Variants in ASTN2 observed in about 807,000 individuals in gnomAD.
ASTN2 encodes the protein astrotactin 2.
A neutral mutation model predicts 139.8 loss-of-function variants in ASTN2; 54 were observed. The observed-to-expected ratio is 0.39, with a 90% CI of 0.31 to 0.48. ASTN2 has a LOEUF of 0.48. Ranked by LOEUF, ASTN2 falls within the 20% of genes least tolerant of loss-of-function variation. The pLI is 0.95. For synonymous variants in ASTN2, 756 were observed against 719.5 expected (o/e 1.05, Z -0.81); for missense variants, 1,565 against 1,725.1 (o/e 0.91, Z 1.64).
chr9:117,387,804 A>C (rs890921657), intron 1 of ASTN2, among the ~76,000 whole-genome samples: 7 of 152,328 alleles, frequency 4.6e-5, no homozygotes, highest in Middle Eastern at 3.4e-3. Flanking sequence ...GGCCACAAGA[A>C]AGTCATCACT....
At chr9:116,824,750 A>C (rs115701024) in intron 11 of ASTN2, among the ~76,000 whole-genome samples, 3,904 of 152,340 alleles carry the variant, frequency 0.026, 188 homozygotes, top group African/African-American at 0.09. Flanking sequence ...AATATAGTGA[A>C]ATAAATGTAT....
In ASTN2 at chr9:117,361,112, CTACTCAAG is replaced by C. The variant is rs886242302; in HGVS notation, c.442+53377_442+53384del. ...CCATCAGGGATTTGGCTCCAACATT[CTACTCAAG>C]GAAAATGTTGCACCAAGTCAGGCTA... On this transcript the variant is annotated intron_variant, in intron 1 of 22. Coordinates refer to ENST00000313400, the MANE Select transcript of ASTN2 (RefSeq NM_001365068.1). 5.9e-4 allele frequency among the ~76,000 whole-genome samples: 90 copies of C among 152,266 alleles called. 1 individual carries two copies. Among genetic ancestry groups the C allele is most frequent in the African/African-American group, 1.8e-3 (75 of 41,556 alleles).
intron 12 of ASTN2, among the ~76,000 whole-genome samples, chr9:116,819,440 G>C (rs1401468344): frequency 6.6e-6 from 1 of 152,062 alleles, no homozygotes; most frequent in Admixed American, 6.6e-5. Flanking sequence ...TTCTACACCT[G>C]CACAAAGGCA....
chr9:116,718,465 T>C (rs1828375903), intron 16 of ASTN2, among the ~76,000 whole-genome samples: 1 of 152,202 alleles, frequency 6.6e-6, no homozygotes, highest in African/African-American at 2.4e-5. Flanking sequence ...ATCTCTATTT[T>C]AGAAACATCC....
intron 20 of ASTN2, among the ~76,000 whole-genome samples, chr9:116,472,728 A>T (rs1489339811): frequency 2.7e-5 from 4 of 150,122 alleles, no homozygotes; most frequent in African/African-American, 9.8e-5. Flanking sequence ...ACATAGCAAA[A>T]CCCAGTCTCT....
chr9:116,944,681 CAAAAAA>C (rs34943919), intron 10 of ASTN2, among the ~76,000 whole-genome samples: 3 of 53,360 alleles, frequency 5.6e-5, no homozygotes, highest in East Asian at 5.8e-4. Flanking sequence ...GACTCTGTCT[CAAAAAA>C]AAAAAAAAAA....
intron 2 of ASTN2, among the ~76,000 whole-genome samples, chr9:117,259,197 G>T (rs1833763074): frequency 6.6e-6 from 1 of 152,038 alleles, no homozygotes; most frequent in Non-Finnish European, 1.5e-5. Flanking sequence ...TGTAGCTCAG[G>T]TTTCTCAGAT....
chr9:116,475,104 G>A (rs1848936393), intron 20 of ASTN2, among the ~76,000 whole-genome samples: 2 of 152,154 alleles, frequency 1.3e-5, no homozygotes, highest in South Asian at 4.1e-4. Flanking sequence ...TCTGCTGGTT[G>A]TTACCTACAA....
chr9:116,730,366 G>A (rs1392324968), intron 14 of ASTN2, among the ~76,000 whole-genome samples: 2 of 151,452 alleles, frequency 1.3e-5, no homozygotes, highest in Non-Finnish European at 1.5e-5. Flanking sequence ...TCCTCCTTAT[G>A]CTCCTTAGCC....
chr9:116,697,945 C>G, intron 16 of ASTN2: 1 of 1,614,200 alleles, frequency 6.2e-7, no homozygotes, highest in Non-Finnish European at 8.5e-7. Flanking sequence ...AGCAAGATTA[C>G]CCGCATAACC....
intron 20 of ASTN2, among the ~76,000 whole-genome samples, chr9:116,476,644 G>T (rs114115597): frequency 6.6e-6 from 1 of 152,184 alleles, no homozygotes; most frequent in African/African-American, 2.4e-5. Context: ...ACAAATATGC[G>T]CTTTTCTTGA....
rs149934663 is a variant in ASTN2, at chr9:116,806,737, A to T, written c.2208-917T>A. On this transcript the variant is annotated intron_variant, in intron 12 of 22. Transcript: ENST00000313400. ...TTTCCTCATGTGTAAAATAGAGTAG[A>T]CACTTCTACCTTAATTCAGTAGGAT... Among the ~76,000 whole-genome samples the T allele has an allele frequency of 2.0e-3, 308 of 152,318 alleles. 2 individuals carry two copies. Among genetic ancestry groups the T allele is most frequent in the African/African-American group, 6.9e-3 (288 of 41,568 alleles).
At chr9:117,099,307 C>T (rs918458547) in intron 4 of ASTN2, among the ~76,000 whole-genome samples, 4 of 152,160 alleles carry the variant, frequency 2.6e-5, no homozygotes, top group African/African-American at 9.7e-5. Context: ...CTTCCCACAG[C>T]CCCTTGGATG....
chr9:117,253,117 A>G (rs1224198492), intron 2 of ASTN2, among the ~76,000 whole-genome samples: 1 of 152,182 alleles, frequency 6.6e-6, no homozygotes, highest in Admixed American at 6.5e-5. Context: ...ATTGGTGGCA[A>G]GGTCAGAGCC....
chr9:116,976,147 A>G lies in ASTN2; in HGVS notation c.1718T>C (p.Val573Ala). Residue 573 changes from valine to alanine, a missense_variant, in exon 9 of 23, where the codon GTG (valine) becomes GCG (alanine). This residue lies in a region of ASTN2 where 503 missense variants were observed against 591.7 expected (regional missense o/e 0.85). Transcript: ENST00000313400. ...YTTLERGYDL[V>A]TGEQAPEKIL... ...CTTTTCAGGGGCTTGCTCCCCTGTC[A>G]CCAGATCATAGCCCCTCTCAAGTGT... 1.9e-6 allele frequency: 3 copies of G among 1,614,128 alleles called. No homozygotes were observed. The highest frequency in any genetic ancestry group is 2.5e-6 in the Non-Finnish European group (3 of 1,179,998).
intron 4 of ASTN2, among the ~76,000 whole-genome samples, chr9:117,127,601 A>G (rs924100087): frequency 4.6e-5 from 7 of 151,568 alleles, no homozygotes; most frequent in African/African-American, 1.5e-4. Context: ...GCTAAATGGA[A>G]GACTGGGGTT....
intron 2 of ASTN2, among the ~76,000 whole-genome samples, chr9:117,268,170 C>T (rs1833979076): frequency 6.6e-6 from 1 of 152,196 alleles, no homozygotes; most frequent in African/African-American, 2.4e-5. Flanking sequence ...CTTTCCCTCT[C>T]TTGTCCATTA....
At chr9:116,693,114 G>A (rs188598117) in intron 16 of ASTN2, among the ~76,000 whole-genome samples, 40 of 152,200 alleles carry the variant, frequency 2.6e-4, no homozygotes, top group Non-Finnish European at 5.4e-4. Flanking sequence ...ATTAATACTA[G>A]TACTAGTTAT....
intron 1 of ASTN2, among the ~76,000 whole-genome samples, chr9:117,386,314 C>T (rs1231131293): frequency 1.3e-5 from 2 of 152,156 alleles, no homozygotes; most frequent in Admixed American, 6.5e-5. Flanking sequence ...AAATGCACCG[C>T]TATTCGCAGT....
Sources: allele counts gnomAD v4.1 joint callset (sites outside exome capture counted in the v4.1 genomes callset), GRCh38; gene constraint gnomAD v4.1.1; regional missense constraint gnomAD v4.1.1; transcripts MANE v1.5; gene names NCBI Gene and HGNC (gene_info 2026-07-23, HGNC 2026-07-21).